The following LDLRAD3 variants were observed in gnomAD, a reference collection of about 807,000 sequenced individuals.
LDLRAD3 encodes low density lipoprotein receptor class A domain containing 3, also known as low-density lipoprotein receptor class A domain-containing protein 3.
LDLRAD3 carries 20 observed loss-of-function variants against 29.4 expected under a neutral mutation model. The ratio of observed to expected loss-of-function variants is 0.68; its 90% CI spans 0.48 to 0.99. The LOEUF is 0.99. LDLRAD3 is among the 50% of genes least tolerant of loss of function. LDLRAD3 has a pLI of 0.00. For synonymous variants in LDLRAD3, 157 were observed against 192.7 expected (o/e 0.81, Z 1.53); for missense variants, 420 against 454.3 (o/e 0.92, Z 0.69).
chr11:36,063,455 GTC>G (rs2133236230), intron 2 of LDLRAD3, among the ~76,000 whole-genome samples: 1 of 152,240 alleles, frequency 6.6e-6, no homozygotes, highest in African/African-American at 2.4e-5. Flanking sequence ...TCCACTTTTT[GTC>G]TCTACAGATT....
At chr11:36,159,911 C>T (rs1167815203) in intron 4 of LDLRAD3, among the ~76,000 whole-genome samples, 1 of 152,144 alleles carries the variant, frequency 6.6e-6, no homozygotes, top group Non-Finnish European at 1.5e-5. Flanking sequence ...ATGTTCCCTG[C>T]CCAGTAGTGA....
intron 1 of LDLRAD3, among the ~76,000 whole-genome samples, chr11:35,962,030 A>G (rs1851283974): frequency 6.6e-6 from 1 of 152,178 alleles, no homozygotes; most frequent in South Asian, 2.1e-4. Context: ...CAGTCCTGAA[A>G]TTTCTGGTCA....
chr11:36,197,882 T>TAC, intron 4 of LDLRAD3: 1 of 140,052 alleles, frequency 7.1e-6, no homozygotes, highest in South Asian at 2.3e-4. Flanking sequence ...CCCCATGTCT[T>TAC]AAAAAAAAAA....
chr11:35,974,883 C>T (rs1463656309), intron 1 of LDLRAD3, among the ~76,000 whole-genome samples: 1 of 152,218 alleles, frequency 6.6e-6, no homozygotes, highest in Non-Finnish European at 1.5e-5. Context: ...CCTTAAGAGT[C>T]CACCTGCCAT....
At chr11:36,218,057 TAA>T (rs1254092066) in intron 4 of LDLRAD3, among the ~76,000 whole-genome samples, 19 of 152,186 alleles carry the variant, frequency 1.2e-4, no homozygotes, top group Admixed American at 1.2e-3. Flanking sequence ...GTGCAAGGAT[TAA>T]AAGTGTTAGA....
intron 3 of LDLRAD3, among the ~76,000 whole-genome samples, chr11:36,089,124 C>T (rs180985185): frequency 1.9e-3 from 287 of 152,288 alleles, no homozygotes; most frequent in African/African-American, 6.7e-3. Context: ...CATGCTTTCT[C>T]GTAATGGCAT....
chr11:36,137,802 C>T (rs1590298540), intron 4 of LDLRAD3, among the ~76,000 whole-genome samples: 1 of 152,344 alleles, frequency 6.6e-6, no homozygotes, highest in South Asian at 2.1e-4. Flanking sequence ...GTTGCTGCCG[C>T]TCTTCCCTGC....
intron 2 of LDLRAD3, among the ~76,000 whole-genome samples, chr11:36,078,829 C>T (rs572227174): frequency 1.3e-5 from 2 of 152,286 alleles, no homozygotes; most frequent in Admixed American, 6.5e-5. Flanking sequence ...GTCACAGTGG[C>T]TCCCAGGGTG....
At chr11:35,969,716 C>T (rs1363220508) in intron 1 of LDLRAD3, among the ~76,000 whole-genome samples, 2 of 152,190 alleles carry the variant, frequency 1.3e-5, no homozygotes, top group Non-Finnish European at 2.9e-5. Flanking sequence ...GATGTTGGAA[C>T]CAGAGGTGCA....
At chr11:36,145,276 G>C (rs1249813580) in intron 4 of LDLRAD3, among the ~76,000 whole-genome samples, 1 of 94,298 alleles carries the variant, frequency 1.1e-5, no homozygotes, top group Non-Finnish European at 2.1e-5. Flanking sequence ...CCCCCCGCCC[G>C]GCCAGCTGCC....
At position 36,114,996 on chromosome 11, in the gene LDLRAD3, C is replaced by T. The variant is rs151146264; in HGVS notation, c.454+16535C>T. Among the ~76,000 whole-genome samples the T allele has an allele frequency of 8.6e-3, 1,315 of 152,264 alleles. 9 individuals are homozygous for T. The highest frequency in any genetic ancestry group is 0.014 in the Middle Eastern group (4 of 294). On this transcript the variant is annotated intron_variant, in intron 4 of 5. Transcript: ENST00000315571. ...CAGAAATGATGCTATGTGATTTCTA[C>T]GAATAGGATATAAAAGGCGACATGG...
chr11:36,062,652 G>A (rs1352704132), intron 2 of LDLRAD3, among the ~76,000 whole-genome samples: 1 of 152,176 alleles, frequency 6.6e-6, no homozygotes, highest in Non-Finnish European at 1.5e-5. Flanking sequence ...TTACCTTCAT[G>A]CTGTTCTCAT....
chr11:35,976,480 A>G lies in LDLRAD3; in HGVS notation c.46+32336A>G, dbSNP rs140554998. Among the ~76,000 whole-genome samples, 248 of 151,972 alleles carry G rather than the reference A, an allele frequency of 1.6e-3. 2 individuals carry two copies. The highest frequency in any genetic ancestry group is 5.9e-3 in the African/African-American group (244 of 41,446). ...CTCCGAAGGAGATCGTGTACAGGAG[A>G]GGTATGGAGGCCCAGGGGCAATGGA... On this transcript the variant is annotated intron_variant, in intron 1 of 5. Coordinates refer to ENST00000315571, the MANE Select transcript of LDLRAD3 (RefSeq NM_174902.4).
chr11:36,136,698 CTT>C (rs112022135), intron 4 of LDLRAD3, among the ~76,000 whole-genome samples: 13 of 143,500 alleles, frequency 9.1e-5, no homozygotes, highest in Admixed American at 1.4e-4. Context: ...AACTAATCCT[CTT>C]TTTTTTTTTT....
At chr11:36,145,170 C>CA (rs1854164302) in intron 4 of LDLRAD3, among the ~76,000 whole-genome samples, 2 of 124,188 alleles carry the variant, frequency 1.6e-5, no homozygotes, top group Admixed American at 1.5e-4. Flanking sequence ...GGGTCAGCCC[C>CA]CCGCCCGGCC....
intron 1 of LDLRAD3, among the ~76,000 whole-genome samples, chr11:36,035,551 A>G (rs545382645): frequency 2.1e-4 from 32 of 152,270 alleles, no homozygotes; most frequent in African/African-American, 5.1e-4. Context: ...TCAAGATTCA[A>G]TGTGGCCTTT....
intron 1 of LDLRAD3, among the ~76,000 whole-genome samples, chr11:35,949,720 A>G (rs1851107142): frequency 6.6e-6 from 1 of 152,164 alleles, no homozygotes; most frequent in African/African-American, 2.4e-5. Context: ...GCTCTGTTCC[A>G]AACCTTCCTT....
intron 4 of LDLRAD3, among the ~76,000 whole-genome samples, chr11:36,218,504 C>T (rs190332517): frequency 3.2e-4 from 49 of 152,320 alleles, no homozygotes; most frequent in East Asian, 3.1e-3. Context: ...AAGACTCTCA[C>T]GGAGGTTTTC....
chr11:35,953,246 G>C (rs929127620), intron 1 of LDLRAD3, among the ~76,000 whole-genome samples: 2 of 152,164 alleles, frequency 1.3e-5, no homozygotes, highest in African/African-American at 4.8e-5. Context: ...CTCTGTCCTG[G>C]CGAGCGGCCA....
Sources: allele counts gnomAD v4.1 joint callset (sites outside exome capture counted in the v4.1 genomes callset), GRCh38; gene constraint gnomAD v4.1.1; transcripts MANE v1.5; gene names NCBI Gene and HGNC (gene_info 2026-07-23, HGNC 2026-07-21).